The following SLC26A8 variants were observed in gnomAD, a reference collection of about 807,000 sequenced individuals.
The protein encoded by SLC26A8 is solute carrier family 26 member 8.
A neutral mutation model predicts 105.0 loss-of-function variants in SLC26A8; 70 were observed. The ratio of observed to expected loss-of-function variants is 0.67; its 90% CI spans 0.55 to 0.81. The LOEUF (loss-of-function observed/expected upper bound fraction) is 0.81, where lower values mean the gene tolerates loss of function less well. Among genes scored for constraint, SLC26A8 ranks in the 40% least tolerant of loss-of-function variants. The pLI, the probability that SLC26A8 is intolerant of heterozygous loss-of-function variation, is 0.00. For synonymous variants in SLC26A8, 415 were observed against 438.3 expected (o/e 0.95, Z 0.66); for missense variants, 998 against 1,181.8 (o/e 0.84, Z 2.28).
chr6:35,996,774 C>T (rs1761363260), intron 5 of SLC26A8, among the ~76,000 whole-genome samples: 1 of 152,126 alleles, frequency 6.6e-6, no homozygotes, highest in Non-Finnish European at 1.5e-5. Context: ...GTGGCTCACA[C>T]CTATAATCCC....
chr6:35,955,024 A>T (rs1200868968), intron 17 of SLC26A8, 128 bp downstream of exon 17: 1 of 1,052,254 alleles, frequency 9.5e-7, no homozygotes, highest in Non-Finnish European at 1.4e-6. Flanking sequence ...TTTGGTGTCC[A>T]AGGCTCTGGT....
chr6:35,945,319 C>A (rs9368895), intron 19 of SLC26A8, among the ~76,000 whole-genome samples: 9,932 of 152,140 alleles, frequency 0.065, 491 homozygotes, highest in East Asian at 0.28. Flanking sequence ...CTAGCTAGAC[C>A]GGATTTCATG....
rs778712525 is a variant in SLC26A8, at chr6:35,997,862, T to C, written c.503A>G (p.Asn168Ser). The C allele has an allele frequency of 2.5e-6, 4 of 1,614,046 alleles. No individual in the cohort carries two copies. Among genetic ancestry groups the C allele is most frequent in the Non-Finnish European group, 3.4e-6 (4 of 1,180,028 alleles). ...AGATCCCATGACCAGTTGACCGTTG[T>C]TGAATGGGCTCACTTTCAGAACGTT... ...LINVLKVSPF[N>S]NGQLVMGSFV... Residue 168 changes from asparagine to serine, a missense_variant, in exon 5 of 20, where the codon AAC becomes AGC. Transcript: ENST00000490799.
chr6:35,979,711 C>T (rs80238481), intron 8 of SLC26A8, among the ~76,000 whole-genome samples: 6,088 of 152,214 alleles, frequency 0.04, 143 homozygotes, highest in Middle Eastern at 0.088. Context: ...AGTATGATAA[C>T]AACATAAACT....
At chr6:35,948,233 A>T (rs748092723) in intron 19 of SLC26A8, among the ~76,000 whole-genome samples, 1 of 152,218 alleles carries the variant, frequency 6.6e-6, no homozygotes. Flanking sequence ...TTGAAATAGA[A>T]CACTGATGAC....
chr6:35,951,473 G>T lies in SLC26A8; in HGVS notation c.2259C>A (p.Asn753Lys). Residue 753 changes from asparagine (N) to lysine (K), a missense_variant, in exon 18 of 20, where the codon AAC (asparagine) becomes AAA (lysine). Asn to Lys is a moderately conservative substitution (Grantham distance 94, BLOSUM62 0). Transcript: ENST00000490799. ...RQICNAFQNA[N>K]ILILIAGCHS... ...GACACCCTGCAATGAGTATCAAAATGTTGGCGTTTTGAAAGGCATTGCATA... is the reference window on the plus strand; with the variant it reads ...GACACCCTGCAATGAGTATCAAAATTTTGGCGTTTTGAAAGGCATTGCATA... 7.4e-6 allele frequency: 12 copies of T among 1,614,170 alleles called. No homozygotes were observed. The highest frequency in any genetic ancestry group is 9.3e-6 in the Non-Finnish European group (11 of 1,180,034).
chr6:35,974,016 T>C (rs543035200), intron 10 of SLC26A8, among the ~76,000 whole-genome samples: 1 of 152,288 alleles, frequency 6.6e-6, no homozygotes, highest in East Asian at 1.9e-4. Context: ...ATCTAGTCAG[T>C]TCAAAACTCA....
chr6:36,009,800 T>C (rs1761799812), intron 3 of SLC26A8, among the ~76,000 whole-genome samples: 1 of 152,212 alleles, frequency 6.6e-6, no homozygotes, highest in African/African-American at 2.4e-5. Context: ...GATATCCTGG[T>C]TGTGAGACTG....
At chr6:35,969,183 A>C in intron 10 of SLC26A8, 1 of 486,780 alleles carries the variant, frequency 2.1e-6, no homozygotes, top group South Asian at 2.2e-5. Context: ...GCTCCCTGAA[A>C]AGCTCCACGT....
At chr6:35,957,688 C>A (rs569004893) in intron 16 of SLC26A8, among the ~76,000 whole-genome samples, 3 of 150,646 alleles carry the variant, frequency 2.0e-5, no homozygotes, top group South Asian at 4.2e-4. Context: ...GCTCACTGAA[C>A]TTCCGCCTCC....
chr6:35,975,599 C>A (rs1772979312), intron 9 of SLC26A8, 111 bp from the exon 10 acceptor site: 1 of 609,778 alleles, frequency 1.6e-6, no homozygotes, highest in Non-Finnish European at 2.9e-6. Flanking sequence ...TTGTTTGCAT[C>A]ACTTGAAATA....
chr6:35,957,963 T>G (rs931312348), intron 16 of SLC26A8, among the ~76,000 whole-genome samples: 1 of 152,012 alleles, frequency 6.6e-6, no homozygotes, highest in Non-Finnish European at 1.5e-5. Context: ...TTTCTTACAA[T>G]CCCCTCATGT....
rs1037665859 is a variant in SLC26A8 at position 35,960,895 on chromosome 6, A to G, written c.1586T>C (p.Leu529Pro). 1 of 1,614,188 alleles carries G rather than the reference A, an allele frequency of 6.2e-7. No homozygotes were observed. Among genetic ancestry groups the G allele is most frequent in the East Asian group, 2.2e-5 (1 of 44,878 alleles). Residue 529 changes from leucine to proline, a missense_variant, in exon 14 of 20, where the codon CTG becomes CCG. By Grantham distance (98) the Leu-to-Pro change is moderately conservative. Transcript: ENST00000490799. ...VRSHRAKILLLGQIPNTNIYR... is the reference protein window; with the variant it reads ...VRSHRAKILLPGQIPNTNIYR... ...AATGTTGGTGTTAGGGATTTGACCC[A>G]GGAGAAGAATCTTAGCTCTGAAAGG... is the stretch of plus-strand genomic sequence containing the variant.
At chr6:36,005,120 T>A (rs1422077016) in intron 3 of SLC26A8, among the ~76,000 whole-genome samples, 1 of 152,150 alleles carries the variant, frequency 6.6e-6, no homozygotes, top group Admixed American at 6.6e-5. Flanking sequence ...CATAGTGAAA[T>A]AGAGGGAATT....
intron 10 of SLC26A8, among the ~76,000 whole-genome samples, chr6:35,970,892 G>A (rs1772772481): frequency 6.6e-6 from 1 of 152,156 alleles, no homozygotes; most frequent in South Asian, 2.1e-4. Context: ...GCTGGGCGTA[G>A]TGGCAGGCGC....
chr6:35,990,088 C>T (rs1466901546), intron 7 of SLC26A8, among the ~76,000 whole-genome samples: 1 of 151,672 alleles, frequency 6.6e-6, no homozygotes, highest in Non-Finnish European at 1.5e-5. Context: ...CAGGCACATG[C>T]CACCGCACCC....
At chr6:35,976,550 C>CTTTCTTTTTTT (rs1773038461) in intron 9 of SLC26A8, among the ~76,000 whole-genome samples, 3 of 130,182 alleles carry the variant, frequency 2.3e-5, no homozygotes, top group African/African-American at 9.1e-5. Context: ...GAAGCCCTCG[C>CTTTCTTTTTTT]TTTTTTTTTT....
At chr6:35,999,229 G>A (rs886871555) in intron 4 of SLC26A8, among the ~76,000 whole-genome samples, 2 of 152,086 alleles carry the variant, frequency 1.3e-5, no homozygotes, top group African/African-American at 4.8e-5. Flanking sequence ...AGCACTTCAC[G>A]TCTGGAAGGA....
At chr6:35,970,110 G>A (rs1007854398) in intron 10 of SLC26A8, among the ~76,000 whole-genome samples, 1 of 152,106 alleles carries the variant, frequency 6.6e-6, no homozygotes, top group Non-Finnish European at 1.5e-5. Flanking sequence ...AGGGGATGGG[G>A]CAAAATTATA....
Sources: allele counts gnomAD v4.1 joint callset (sites outside exome capture counted in the v4.1 genomes callset), GRCh38; gene constraint gnomAD v4.1.1; transcripts MANE v1.5; gene names NCBI Gene and HGNC (gene_info 2026-07-23, HGNC 2026-07-21).